Variants in ASAP1 observed in about 807,000 individuals in gnomAD.
ASAP1 encodes the protein ArfGAP with SH3 domain, ankyrin repeat and PH domain 1.
Under a neutral mutation model 145.2 loss-of-function variants are expected in ASAP1, and 43 were observed. The observed-to-expected ratio is 0.30, with a 90% confidence interval of 0.23 to 0.38. The LOEUF (loss-of-function observed/expected upper bound fraction) is 0.38, where lower values mean the gene tolerates loss of function less well. Ranked by LOEUF, ASAP1 falls within the 10% of genes least tolerant of loss-of-function variation. ASAP1 has a pLI of 1.00. For synonymous variants in ASAP1, 546 were observed against 515.5 expected (o/e 1.06, Z -0.80); for missense variants, 1,018 against 1,355.3 (o/e 0.75, Z 3.91).
At chr8:130,076,298 G>A (rs1269886186) in intron 27 of ASAP1, 50 bp downstream of exon 27, 2 of 1,412,070 alleles carry the variant, frequency 1.4e-6, no homozygotes, top group African/African-American at 1.4e-5. Flanking sequence ...CCCCTTGGAG[G>A]GGGTAGTGAC....
chr8:130,341,906 T>G (rs1825407907), intron 3 of ASAP1, among the ~76,000 whole-genome samples: 1 of 151,948 alleles, frequency 6.6e-6, no homozygotes, highest in Non-Finnish European at 1.5e-5. Flanking sequence ...TTTCTAAGGG[T>G]TCACTGGACC....
intron 3 of ASAP1, among the ~76,000 whole-genome samples, chr8:130,304,938 G>A (rs1287682813): frequency 6.6e-6 from 1 of 152,198 alleles, no homozygotes; most frequent in Non-Finnish European, 1.5e-5. Context: ...ACAGCAGTCA[G>A]CAGGCCATGC....
chr8:130,237,671 GTCTATTGTTGTTGAT>G (rs1441963763), intron 3 of ASAP1, among the ~76,000 whole-genome samples: 20 of 152,042 alleles, frequency 1.3e-4, no homozygotes, highest in Non-Finnish European at 2.8e-4. Context: ...GCTTCTAGGA[GTCTATTGTTGTTGAT>G]TCTTAATCCA....
chr8:130,103,373 AT>A (rs2097531981), intron 24 of ASAP1, among the ~76,000 whole-genome samples: 1 of 150,156 alleles, frequency 6.7e-6, no homozygotes, highest in Non-Finnish European at 1.5e-5. Flanking sequence ...GCTTTTCTGT[AT>A]TGTCTTTTCA....
At chr8:130,097,126 CAAAAAAAAAAAAAAAAAA>C (rs61591724) in intron 24 of ASAP1, among the ~76,000 whole-genome samples, 12 of 53,592 alleles carry the variant, frequency 2.2e-4, no homozygotes, top group South Asian at 1.9e-3. Context: ...AGTTAGTCTC[CAAAAAAAAAAAAAAAAAA>C]AAAAAAAAAA....
chr8:130,126,223 T>C (rs1354889656), intron 16 of ASAP1, 134 bp from the exon 17 acceptor site: 1 of 866,870 alleles, frequency 1.2e-6, no homozygotes, highest in Non-Finnish European at 1.7e-6. Context: ...AGAAATGGAC[T>C]CTTGAGGTTT....
intron 25 of ASAP1, chr8:130,084,788 A>G (rs1419893836): frequency 1.3e-5 from 2 of 151,172 alleles, no homozygotes; most frequent in African/African-American, 4.9e-5. Context: ...ACAAACAACA[A>G]GAAAAAACAA....
At chr8:130,135,412 G>A (rs767687341) in intron 14 of ASAP1, among the ~76,000 whole-genome samples, 3 of 152,146 alleles carry the variant, frequency 2.0e-5, no homozygotes, top group Non-Finnish European at 2.9e-5. Flanking sequence ...TAGAGCCCAG[G>A]AGGTTGAGGC....
At chr8:130,074,440 AACACACACACACACAC>A (rs57005471) in intron 27 of ASAP1, among the ~76,000 whole-genome samples, 38 of 119,330 alleles carry the variant, frequency 3.2e-4, no homozygotes, top group East Asian at 5.9e-4. Flanking sequence ...CCAAATAGTA[AACACACACACACACAC>A]ACACACACAC....
At chr8:130,072,793 A>ATG (rs1206526066) in intron 27 of ASAP1, among the ~76,000 whole-genome samples, 1,183 of 102,506 alleles carry the variant, frequency 0.012, 18 homozygotes, top group African/African-American at 0.018. Context: ...TGCAATTGAT[A>ATG]TGTGTGTGTG....
chr8:130,412,071 C>A (rs1829288434), intron 1 of ASAP1, among the ~76,000 whole-genome samples: 7 of 152,198 alleles, frequency 4.6e-5, no homozygotes, highest in Admixed American at 4.6e-4. Flanking sequence ...TTCAATCACG[C>A]TGAGTCTTCA....
intron 4 of ASAP1, among the ~76,000 whole-genome samples, chr8:130,233,531 T>A (rs1341523168): frequency 6.6e-6 from 1 of 152,224 alleles, no homozygotes; most frequent in African/African-American, 2.4e-5. Context: ...ACTTACCTTA[T>A]TGGCTTGTTT....
chr8:130,362,646 C>T (rs564596856), intron 2 of ASAP1, among the ~76,000 whole-genome samples: 14 of 152,084 alleles, frequency 9.2e-5, no homozygotes, highest in Non-Finnish European at 1.6e-4. Context: ...AAAGAGGGAG[C>T]GGGGAAGGCT....
rs749945680 is a variant in ASAP1, at chr8:130,060,677, A to C, written c.3094T>G (p.Ser1032Ala). 1.9e-6 allele frequency: 3 copies of C among 1,614,124 alleles called. No homozygotes were observed. The East Asian group carries it at 6.7e-5, about 36-fold the overall frequency. ...HPLDLSPNVQ[S>A]RDAIQKQASE... Reference sequence around the variant, plus strand: ...GCTTGCTTTTGGATGGCGTCTCTGGACTGCACATTTGGGGATAGATCCAAT... The same window carrying C: ...GCTTGCTTTTGGATGGCGTCTCTGGCCTGCACATTTGGGGATAGATCCAAT... The change falls in exon 28 of 30, where the codon TCC becomes GCC. Residue 1032 changes from serine to alanine, a missense_variant. Ser to Ala is a moderately conservative substitution (Grantham distance 99, BLOSUM62 1). Transcript: ENST00000518721.
chr8:130,137,497 T>A lies in ASAP1; in HGVS notation c.1081-459A>T, dbSNP rs147982906. On this transcript the variant is annotated intron_variant, in intron 13 of 29. Transcript: ENST00000518721. ...CAGTTGGCACTTTTAATGCTGTATC[T>A]TACTATGAAATGTAGCTGAGCTATA... Among the ~76,000 whole-genome samples the A allele has an allele frequency of 6.8e-4, 104 of 152,332 alleles. 1 individual carries two copies. The highest frequency in any genetic ancestry group is 2.4e-3 in the African/African-American group (100 of 41,574).
intron 3 of ASAP1, among the ~76,000 whole-genome samples, chr8:130,322,485 TG>T (rs777011663): frequency 3.3e-5 from 5 of 152,190 alleles, no homozygotes; most frequent in Non-Finnish European, 7.3e-5. Context: ...TTTGAATCAC[TG>T]GCTGCCAAAT....
intron 1 of ASAP1, among the ~76,000 whole-genome samples, chr8:130,425,434 T>C (rs143071341): frequency 1.4e-3 from 206 of 152,098 alleles, no homozygotes; most frequent in African/African-American, 4.7e-3. Flanking sequence ...TGAGAATCCT[T>C]TGAACCCGTG....
chr8:130,256,765 A>ATATATATCCT (rs1819584571), intron 3 of ASAP1, among the ~76,000 whole-genome samples: 1 of 127,338 alleles, frequency 7.9e-6, no homozygotes, highest in Non-Finnish European at 1.7e-5. Flanking sequence ...ATATATATAT[A>ATATATATCCT]TATATATATA....
chr8:130,068,024 G>GA (rs1347225226), intron 27 of ASAP1, among the ~76,000 whole-genome samples: 1 of 152,136 alleles, frequency 6.6e-6, no homozygotes, highest in East Asian at 1.9e-4. Flanking sequence ...GGGGGATCAG[G>GA]AATCTTTGGA....
Sources: allele counts gnomAD v4.1 joint callset (sites outside exome capture counted in the v4.1 genomes callset), GRCh38; gene constraint gnomAD v4.1.1; transcripts MANE v1.5; gene names NCBI Gene and HGNC (gene_info 2026-07-23, HGNC 2026-07-21).